Variants in TRIM67 observed in about 807,000 individuals in gnomAD.
The protein encoded by TRIM67 is tripartite motif-containing protein 67.
A neutral mutation model predicts 71.0 loss-of-function variants in TRIM67; 39 were observed. The ratio of observed to expected loss-of-function variants is 0.55; its 90% CI spans 0.43 to 0.72. The LOEUF is 0.72. TRIM67 is among the 30% of genes least tolerant of loss of function. TRIM67 has a pLI of 0.00. For missense variants in TRIM67, 973 were observed against 1,079.2 expected (o/e 0.90, Z 1.38); for synonymous variants, 481 against 473.9 (o/e 1.01, Z -0.19).
At chr1:231,202,808 G>A (rs1683587447) in intron 5 of TRIM67, among the ~76,000 whole-genome samples, 1 of 152,220 alleles carries the variant, frequency 6.6e-6, no homozygotes, top group Non-Finnish European at 1.5e-5. Flanking sequence ...AGCAGGAGGA[G>A]CCTGGCAGAG....
chr1:231,177,762 C>T (rs752311923), intron 1 of TRIM67, among the ~76,000 whole-genome samples: 2 of 152,174 alleles, frequency 1.3e-5, no homozygotes, highest in Non-Finnish European at 2.9e-5. Context: ...CAGCTTTATA[C>T]ATCATATGCA....
At chr1:231,167,624 C>CTT (rs74566453) in intron 1 of TRIM67, among the ~76,000 whole-genome samples, 1 of 102,710 alleles carries the variant, frequency 9.7e-6, no homozygotes, top group African/African-American at 6.0e-5. Flanking sequence ...GCCCGGCCGT[C>CTT]TTTTTTTTTT....
At chr1:231,189,510 G>A (rs1356865868) in intron 1 of TRIM67, among the ~76,000 whole-genome samples, 1 of 152,186 alleles carries the variant, frequency 6.6e-6, no homozygotes, top group Admixed American at 6.5e-5. Context: ...GAGGATGGAA[G>A]CAAGATGTCT....
At position 231,195,476 on chromosome 1, in the gene TRIM67, T is replaced by G. The variant is rs970629852; in HGVS notation, c.1045-1895T>G. On this transcript the variant is annotated intron_variant, in intron 1 of 9. Coordinates refer to ENST00000366653, the MANE Select transcript of TRIM67 (RefSeq NM_001004342.5). ...ATGGTGGTACACTGTGGGCCAGCTATGGAGTGGAGAGCCTAAACCCACTGA... is the reference window on the plus strand; with the variant it reads ...ATGGTGGTACACTGTGGGCCAGCTAGGGAGTGGAGAGCCTAAACCCACTGA... Among the ~76,000 whole-genome samples, 6 of 152,178 alleles carry G rather than the reference T, an allele frequency of 3.9e-5. No individual in the cohort carries two copies. The South Asian group carries it at 1.2e-3, about 31-fold the overall frequency.
intron 1 of TRIM67, among the ~76,000 whole-genome samples, chr1:231,188,918 G>C (rs1683158637): frequency 2.0e-5 from 3 of 152,210 alleles, no homozygotes; most frequent in African/African-American, 7.2e-5. Context: ...CCTTTGTCCT[G>C]TGGCACAAAA....
At chr1:231,214,865 C>T (rs1028474977) in intron 9 of TRIM67, among the ~76,000 whole-genome samples, 4 of 152,018 alleles carry the variant, frequency 2.6e-5, no homozygotes, top group African/African-American at 9.7e-5. Context: ...TTTGGGAGGC[C>T]ATGGCAGGAG....
chr1:231,186,986 C>T (rs1178585918), intron 1 of TRIM67, among the ~76,000 whole-genome samples: 3 of 152,112 alleles, frequency 2.0e-5, no homozygotes, highest in African/African-American at 7.2e-5. Context: ...CCACGGCTGC[C>T]TCATCAGCAA....
chr1:231,168,079 C>T (rs999649086), intron 1 of TRIM67, among the ~76,000 whole-genome samples: 9 of 152,020 alleles, frequency 5.9e-5, no homozygotes, highest in Admixed American at 1.3e-4. Flanking sequence ...CTCCCACCTC[C>T]GCCTCCCAAG....
chr1:231,217,217 GCC>G lies in TRIM67; in HGVS notation c.*1780_*1781del. 1 of 986,074 alleles carries G rather than the reference GCC, an allele frequency of 1.0e-6. No individual in the cohort carries two copies. The highest frequency in any genetic ancestry group is 4.7e-5 in the South Asian group (1 of 21,296). The allele number at this position is 986,074 out of a possible 1,614,324, so 61.1% of individuals were successfully genotyped here. On this transcript the variant is annotated 3_prime_UTR_variant, in exon 10 of 10. Coordinates refer to ENST00000366653, the MANE Select transcript of TRIM67 (RefSeq NM_001004342.5). ...GCAGATGTGGCCGGCAAGGCCAGCT[GCC>G]CCGTCTCCAGGAGCTGCTCGGTGCT...
At chr1:231,171,068 C>T (rs376913383) in intron 1 of TRIM67, among the ~76,000 whole-genome samples, 29 of 152,316 alleles carry the variant, frequency 1.9e-4, no homozygotes, top group African/African-American at 6.3e-4. Context: ...CCTAATGGGA[C>T]TGCTTTTAGA....
At chr1:231,185,668 C>A (rs1683050808) in intron 1 of TRIM67, among the ~76,000 whole-genome samples, 1 of 151,874 alleles carries the variant, frequency 6.6e-6, no homozygotes, top group Non-Finnish European at 1.5e-5. Flanking sequence ...CTGTTGAGTG[C>A]CCGTTCTGCA....
chr1:231,199,768 T>A (rs777798610), intron 3 of TRIM67, among the ~76,000 whole-genome samples: 1 of 152,196 alleles, frequency 6.6e-6, no homozygotes, highest in African/African-American at 2.4e-5. Context: ...CTGGAGTTGA[T>A]CCCATGGTTC....
intron 5 of TRIM67, among the ~76,000 whole-genome samples, chr1:231,202,349 CGA>C (rs1264325254): frequency 6.6e-6 from 1 of 151,298 alleles, no homozygotes; most frequent in African/African-American, 2.4e-5. Flanking sequence ...AGAATCTAGG[CGA>C]AGAGTTTTGC....
At chr1:231,170,774 C>T (rs748480987) in intron 1 of TRIM67, among the ~76,000 whole-genome samples, 1 of 152,152 alleles carries the variant, frequency 6.6e-6, no homozygotes, top group Non-Finnish European at 1.5e-5. Context: ...TGCTTTTGGC[C>T]ATGTTTGCTT....
intron 1 of TRIM67, among the ~76,000 whole-genome samples, chr1:231,192,583 TGAG>T (rs1378140861): frequency 6.6e-6 from 1 of 152,212 alleles, no homozygotes; most frequent in Non-Finnish European, 1.5e-5. Context: ...ATTCCCTGAG[TGAG>T]GAGAACTGAC....
chr1:231,176,911 A>AAAAAAAC (rs1195938027), intron 1 of TRIM67, among the ~76,000 whole-genome samples: 10 of 151,314 alleles, frequency 6.6e-5, no homozygotes, highest in Admixed American at 5.9e-4. Flanking sequence ...TCTGGCAAAA[A>AAAAAAAC]AAAAAAAAAA....
chr1:231,171,734 T>C (rs896270159), intron 1 of TRIM67, among the ~76,000 whole-genome samples: 1 of 152,186 alleles, frequency 6.6e-6, no homozygotes, highest in Non-Finnish European at 1.5e-5. Flanking sequence ...CCTCTTCATT[T>C]TGCAGATGAG....
intron 4 of TRIM67, among the ~76,000 whole-genome samples, chr1:231,200,885 T>A (rs1274681157): frequency 6.6e-6 from 1 of 152,010 alleles, no homozygotes; most frequent in African/African-American, 2.4e-5. Flanking sequence ...GCAGTCAAGT[T>A]TGGAGCAGAA....
chr1:231,215,426 C>T lies in TRIM67; in HGVS notation c.2338C>T (p.Leu780=). 1.9e-6 allele frequency: 3 copies of T among 1,610,882 alleles called. No homozygotes were observed. The highest frequency in any genetic ancestry group is 2.5e-6 in the Non-Finnish European group (3 of 1,178,200). The change falls in exon 10 of 10, where the codon CTG becomes TTG. Residue 780 remains leucine, a synonymous_variant. Transcript: ENST00000366653. ...GCCGACTAACCTGGGGCGGCCAAAG[C>T]TGTCAGGCAATTAGCCCCGCTCCAG... The part of the protein sequence containing the change: ...EVPTNLGRPK[L]SGN
Sources: allele counts gnomAD v4.1 joint callset (sites outside exome capture counted in the v4.1 genomes callset), GRCh38; gene constraint gnomAD v4.1.1; transcripts MANE v1.5; gene names NCBI Gene and HGNC (gene_info 2026-07-23, HGNC 2026-07-21).